Variants in SHOC1 observed in about 807,000 individuals in gnomAD.
SHOC1 encodes the protein protein shortage in chiasmata 1 ortholog.
A neutral mutation model predicts 179.2 loss-of-function variants in SHOC1; 136 were observed. The observed-to-expected ratio is 0.76, with a 90% CI of 0.66 to 0.87. SHOC1 has a LOEUF of 0.87. Among genes scored for constraint, SHOC1 ranks in the 40% least tolerant of loss-of-function variants. The pLI is 0.00. For synonymous variants in SHOC1, 489 were observed against 586.6 expected (o/e 0.83, Z 2.41); for missense variants, 1,538 against 1,700.8 (o/e 0.90, Z 1.68).
intron 2 of SHOC1, among the ~76,000 whole-genome samples, chr9:111,787,941 G>T (rs1263308543): frequency 6.6e-6 from 1 of 151,980 alleles, no homozygotes; most frequent in Non-Finnish European, 1.5e-5. Flanking sequence ...ACTCACTAAA[G>T]ACTCGGGTAA....
Position 111,692,281 on chromosome 9 carries a change from G to A in SHOC1, c.3696C>T (p.Ser1232=). The A allele has an allele frequency of 6.2e-7, 1 of 1,613,482 alleles. No individual in the cohort carries two copies. Among genetic ancestry groups the A allele is most frequent in the Non-Finnish European group, 8.5e-7 (1 of 1,179,544 alleles). The change falls in exon 27 of 28, where the codon TCC becomes TCT. Residue 1232 remains serine (S), a synonymous_variant. Coordinates refer to ENST00000682961, the MANE Select transcript of SHOC1 (RefSeq NM_001378211.1). ...DKTTILNDNS[S]IMELKEISSF... ...TTGAGATTTCTTTTAGTTCCATAAT[G>A]GAAGAGTTGTCATTCAAAATGGTGG...
Position 111,718,269 on chromosome 9 carries a change from T to C in SHOC1, c.2151A>G (p.Glu717=). 1.3e-6 allele frequency: 2 copies of C among 1,594,202 alleles called. No homozygotes were observed. The highest frequency in any genetic ancestry group is 1.7e-6 in the Non-Finnish European group (2 of 1,173,338). The change falls in exon 16 of 28, where the codon GAA becomes GAG. Residue 717 remains glutamate, a synonymous_variant. Coordinates refer to ENST00000682961, the MANE Select transcript of SHOC1 (RefSeq NM_001378211.1). ...AVRQGTIDER[E]MTFKHAALLH... is the part of the protein sequence containing the mutation. ...AGAGAGCGGCATGCTTGAAAGTCAT[T>C]TCTCTTTCATCAATTGTACCTAAGT...
At chr9:111,756,623 TA>T (rs1309037603) in intron 7 of SHOC1, 145 bp from the exon 8 acceptor site, 2 of 650,342 alleles carry the variant, frequency 3.1e-6, no homozygotes, top group East Asian at 2.9e-5. Context: ...ATATATACTT[TA>T]AAAAAACAGA....
intron 12 of SHOC1, among the ~76,000 whole-genome samples, chr9:111,729,102 T>G (rs1012198475): frequency 2.1e-5 from 3 of 145,510 alleles, no homozygotes. Context: ...TTTGCAAAGG[T>G]GGGGGGTTCT....
chr9:111,727,940 T>C lies in SHOC1; in HGVS notation c.1527A>G (p.Val509=). The C allele has an allele frequency of 6.2e-7, 1 of 1,613,454 alleles. No homozygotes were observed. Residue 509 remains valine (V), a synonymous_variant, in exon 13 of 28, where the codon GTA becomes GTG. Transcript: ENST00000682961. ...PQKSPSLAKE[V]PDLCFSDDYF... ...AGTCATCAGAAAAACATAGATCTGG[T>C]ACTTCTTTTGCCAGAGATGGACTCT... is the stretch of plus-strand genomic sequence containing the variant.
At chr9:111,747,548 C>T (rs1834347254) in intron 9 of SHOC1, among the ~76,000 whole-genome samples, 1 of 152,072 alleles carries the variant, frequency 6.6e-6, no homozygotes, top group African/African-American at 2.4e-5. Flanking sequence ...TCCTCTTCTA[C>T]ACTCTTTGTA....
chr9:111,759,399 A>C (rs1006223652), intron 5 of SHOC1: 1 of 1,463,910 alleles, frequency 6.8e-7, no homozygotes, highest in Non-Finnish European at 9.0e-7. Flanking sequence ...TTAAGCAAAG[A>C]ATCTACTTGA....
At chr9:111,756,267 T>C (rs747119178) in intron 8 of SHOC1, 58 bp downstream of exon 8, 9 of 1,404,376 alleles carry the variant, frequency 6.4e-6, no homozygotes, top group Non-Finnish European at 9.5e-7. Flanking sequence ...CAAGAACCTA[T>C]GTAACAAACA....
intron 21 of SHOC1, among the ~76,000 whole-genome samples, chr9:111,704,340 T>TA (rs1029654520): frequency 2.7e-4 from 41 of 152,202 alleles, no homozygotes; most frequent in Non-Finnish European, 5.4e-4. Flanking sequence ...TTCCTTTTTT[T>TA]ATTCCTTAAA....
At chr9:111,696,106 A>G (rs1319504508) in intron 24 of SHOC1, among the ~76,000 whole-genome samples, 1 of 152,206 alleles carries the variant, frequency 6.6e-6, no homozygotes, top group Non-Finnish European at 1.5e-5. Context: ...ATTTGTTTGC[A>G]AAATTTTGCA....
At chr9:111,778,763 T>A (rs1835925087) in intron 4 of SHOC1, among the ~76,000 whole-genome samples, 1 of 108,018 alleles carries the variant, frequency 9.3e-6, no homozygotes, top group Non-Finnish European at 1.8e-5. Context: ...AGAGAGAGAC[T>A]CTGTCTCAAA....
chr9:111,738,628 T>A, intron 11 of SHOC1, 106 bp from the exon 12 acceptor site: 1 of 1,032,422 alleles, frequency 9.7e-7, no homozygotes, highest in Non-Finnish European at 1.3e-6. Flanking sequence ...AATGCATTTT[T>A]ATGCATTAGA....
At chr9:111,774,654 C>T (rs1835757793) in intron 5 of SHOC1, among the ~76,000 whole-genome samples, 1 of 152,162 alleles carries the variant, frequency 6.6e-6, no homozygotes, top group Non-Finnish European at 1.5e-5. Flanking sequence ...CAACTAATCT[C>T]TCTATCTCTT....
intron 22 of SHOC1, among the ~76,000 whole-genome samples, chr9:111,702,647 C>T (rs1435010925): frequency 6.6e-6 from 1 of 152,188 alleles, no homozygotes; most frequent in Non-Finnish European, 1.5e-5. Flanking sequence ...AGATGATGTG[C>T]ACTGCATGGT....
intron 12 of SHOC1, among the ~76,000 whole-genome samples, chr9:111,728,847 A>C (rs1340387756): frequency 1.3e-5 from 2 of 152,208 alleles, no homozygotes; most frequent in Non-Finnish European, 2.9e-5. Context: ...AAGCTGTTAC[A>C]GGAATACCTC....
chr9:111,740,844 T>C (rs1313753861), intron 11 of SHOC1, among the ~76,000 whole-genome samples: 1 of 152,244 alleles, frequency 6.6e-6, no homozygotes, highest in East Asian at 1.9e-4. Context: ...AGTGCTGGGA[T>C]TACAAGTGTG....
intron 24 of SHOC1, among the ~76,000 whole-genome samples, chr9:111,699,556 A>T (rs1027228065): frequency 2.6e-5 from 4 of 152,206 alleles, no homozygotes; most frequent in Admixed American, 2.6e-4. Flanking sequence ...TGGGACACTG[A>T]AAAAGGGGGC....
chr9:111,739,201 A>G (rs2131489021), intron 11 of SHOC1, among the ~76,000 whole-genome samples: 1 of 152,244 alleles, frequency 6.6e-6, no homozygotes, highest in South Asian at 2.1e-4. Context: ...AAGTTACTAA[A>G]AAACATCTGG....
intron 16 of SHOC1, among the ~76,000 whole-genome samples, chr9:111,716,867 T>A (rs563442742): frequency 2.0e-5 from 3 of 152,336 alleles, no homozygotes; most frequent in Non-Finnish European, 4.4e-5. Flanking sequence ...CTGGACCAGG[T>A]TGTCTTGTCT....
Sources: allele counts gnomAD v4.1 joint callset (sites outside exome capture counted in the v4.1 genomes callset), GRCh38; gene constraint gnomAD v4.1.1; transcripts MANE v1.5; gene names NCBI Gene and HGNC (gene_info 2026-07-23, HGNC 2026-07-21).